Variants in MTG1 observed in about 807,000 individuals in gnomAD.
MTG1 encodes mitochondrial ribosome-associated GTPase 1.
A neutral mutation model predicts 39.5 loss-of-function variants in MTG1; 30 were observed. The observed-to-expected ratio is 0.76, with a 90% CI of 0.57 to 1.03. The LOEUF (loss-of-function observed/expected upper bound fraction) is 1.03. Among genes scored for constraint, MTG1 ranks in the 50% least tolerant of loss-of-function variants. The pLI, the probability that MTG1 is intolerant of heterozygous loss-of-function variation, is 0.00. For missense variants in MTG1, 513 were observed against 447.4 expected (o/e 1.15, Z -1.32); for synonymous variants, 217 against 179.0 (o/e 1.21, Z -1.69).
In MTG1 at chr10:133,399,607, C is replaced by T; in HGVS notation, c.499C>T (p.His167Tyr). The change falls in exon 6 of 11, where the codon CAC becomes TAC. Residue 167 changes from histidine to tyrosine, a missense_variant. Physicochemically the swap from His to Tyr is moderately conservative, Grantham distance 83 (BLOSUM62 2). Transcript: ENST00000317502. ...CCTCATCAACTCCCTCCGGAGGCAG[C>T]ACCTCAGGAAAGGTACTGGCGCGTG... ...SSLINSLRRQHLRKGKATRVG... is the reference protein window; with the variant it reads ...SSLINSLRRQYLRKGKATRVG... 1.9e-6 allele frequency: 3 copies of T among 1,613,614 alleles called. No individual in the cohort carries two copies. Among genetic ancestry groups the T allele is most frequent in the Non-Finnish European group, 2.5e-6 (3 of 1,179,872 alleles).
intron 9 of MTG1, among the ~76,000 whole-genome samples, chr10:133,415,445 A>G (rs1207583853): frequency 1.3e-5 from 2 of 151,944 alleles, no homozygotes; most frequent in African/African-American, 2.4e-5. Context: ...AGAATTCCAG[A>G]TTGACGGGGT....
In MTG1 at chr10:133,402,247, TGAGCCG is replaced by T. The variant is rs1564819811; in HGVS notation, c.670+4_670+9del. On this transcript the variant is annotated splice_donor_5th_base_variant and intron_variant, in intron 8 of 10. Coordinates refer to ENST00000317502, the MANE Select transcript of MTG1 (RefSeq NM_138384.4). This position sits in a 1 kb window ranked among gnomAD's most constrained non-coding sequence, Gnocchi z 4.7. ...CAGGCCTGAAGCTGGCCCTGTGTGG[TGAGCCG>T]GGGCTGGGGCTGGGGCTGGGGCTGG... The T allele has an allele frequency of 5.0e-6, 8 of 1,598,866 alleles. No homozygotes were observed. The highest frequency in any genetic ancestry group is 6.8e-6 in the Non-Finnish European group (8 of 1,177,260).
In MTG1 at chr10:133,398,446, A is replaced by G. The variant is rs141830677; in HGVS notation, c.294A>G (p.Gln98=). The part of the protein sequence containing the change: ...ADLTEQQKIM[Q]HLEGEGLKNV... ...TTTGTGTCTTTCAGAAAATTATGCA[A>G]CACTTAGAAGGAGAAGGCCTAAAAA... is the stretch of plus-strand genomic sequence containing the variant. Residue 98 remains glutamine, a synonymous_variant, in exon 4 of 11, where the codon CAA becomes CAG. Transcript: ENST00000317502. 6 of 1,612,224 alleles carry G rather than the reference A, an allele frequency of 3.7e-6. No homozygotes were observed. The highest frequency in any genetic ancestry group is 5.1e-6 in the Non-Finnish European group (6 of 1,179,560).
In MTG1 at chr10:133,399,542, G is replaced by A. The variant is rs146230872; in HGVS notation, c.434G>A (p.Cys145Tyr). ...CTGCCTGCGCAGAACCTGGAGTACT[G>A]TATCATGGTCATTGGGGTCCCCAAC... The part of the protein sequence containing the change: ...RYHRKENLEY[C>Y]IMVIGVPNVG... The change falls in exon 6 of 11, where the codon TGT (cysteine) becomes TAT (tyrosine). Residue 145 changes from cysteine to tyrosine, a missense_variant. Physicochemically the swap from Cys to Tyr is radical, Grantham distance 194. Coordinates refer to ENST00000317502, the MANE Select transcript of MTG1 (RefSeq NM_138384.4). 1.5e-4 allele frequency: 246 copies of A among 1,614,180 alleles called. 1 individual carries two copies. In the East Asian group the frequency reaches 3.2e-3, roughly 21 times the overall value.
intron 9 of MTG1, among the ~76,000 whole-genome samples, chr10:133,414,659 A>G (rs1461264242): frequency 6.7e-6 from 1 of 149,562 alleles, no homozygotes; most frequent in African/African-American, 2.5e-5. Flanking sequence ...AGCCAGGCAG[A>G]GGGGCTCCTC....
intron 1 of MTG1, 43 bp from the exon 2 acceptor site, chr10:133,395,670 A>G: frequency 1.2e-6 from 2 of 1,601,134 alleles, no homozygotes; most frequent in Non-Finnish European, 1.7e-6. Context: ...TCACTCTAGA[A>G]AGGTTGTGAG....
intron 9 of MTG1, among the ~76,000 whole-genome samples, chr10:133,410,909 AT>A (rs61006136): frequency 0.11 from 16,798 of 151,662 alleles, 1,199 homozygotes; most frequent in African/African-American, 0.2. Flanking sequence ...ATTTCAATTT[AT>A]TTTTTTTTAT....
Position 133,401,925 on chromosome 10 carries a change from G to T in MTG1, c.574-224G>T, listed in dbSNP as rs1424379801. ...CCTTGTGTTCTCCTTGGGAGCAGAA[G>T]ACAAGCTGTTGGGACCTGACGCTTT... On this transcript the variant is annotated intron_variant, in intron 7 of 10. Transcript: ENST00000317502. The T allele has an allele frequency of 8.3e-6, 5 of 603,154 alleles. No individual in the cohort carries two copies. In the South Asian group the frequency reaches 9.9e-5, roughly 12 times the overall value. The allele number at this position is 603,154 out of a possible 1,614,324, so 37.4% of individuals were successfully genotyped here. A position where few individuals can be genotyped will look rare whatever the true frequency, so the allele number is the denominator to read the frequency against.
At chr10:133,408,090 A>G (rs905413916) in intron 9 of MTG1, among the ~76,000 whole-genome samples, 1 of 152,150 alleles carries the variant, frequency 6.6e-6, no homozygotes, top group Non-Finnish European at 1.5e-5. Context: ...TCTGGGTAGG[A>G]CTTCCAGTAT....
At chr10:133,415,001 C>CA (rs925383612) in intron 9 of MTG1, among the ~76,000 whole-genome samples, 34 of 152,176 alleles carry the variant, frequency 2.2e-4, no homozygotes, top group African/African-American at 8.0e-4. Flanking sequence ...CCATCTCCAC[C>CA]AAAAAAATAC....
chr10:133,413,175 A>G (rs1353993295), intron 9 of MTG1, among the ~76,000 whole-genome samples: 2 of 152,156 alleles, frequency 1.3e-5, no homozygotes, highest in African/African-American at 2.4e-5. Flanking sequence ...CAGAGGTACA[A>G]TGTTGTCTCA....
chr10:133,409,645 C>T (rs532639540), intron 9 of MTG1, among the ~76,000 whole-genome samples: 1 of 152,316 alleles, frequency 6.6e-6, no homozygotes, highest in East Asian at 1.9e-4. Context: ...TACTGTATTG[C>T]ACTCTGCCTC....
chr10:133,410,208 CT>C lies in MTG1; in HGVS notation c.752+7436del, dbSNP rs1048485323. Among the ~76,000 whole-genome samples the C allele has an allele frequency of 9.2e-5, 14 of 151,974 alleles. No homozygotes were observed. In the South Asian group the frequency reaches 2.5e-3, roughly 27 times the overall value. On this transcript the variant is annotated intron_variant, in intron 9 of 10. Transcript: ENST00000317502. The stretch of plus-strand genomic sequence containing the variant: ...TACAGGCGTGTGCCACCACACCTGG[CT>C]GTTTTATTTATTTATTTATTTATTT...
In MTG1 at chr10:133,398,511, A is replaced by G. The variant is rs779612155; in HGVS notation, c.359A>G (p.Lys120Arg). Reference sequence around the variant, plus strand: ...AACTGTGTAAAGGATGAAAATGTCAAGCAGGTAGGCTTTTCGTCTGTGCTC... The same window carrying G: ...AACTGTGTAAAGGATGAAAATGTCAGGCAGGTAGGCTTTTCGTCTGTGCTC... ...FTNCVKDENV[K>R]QIIPMVTELI... is the part of the protein sequence containing the mutation. The change falls in exon 4 of 11, where the codon AAG (lysine) becomes AGG (arginine). Residue 120 changes from lysine (K) to arginine (R), a missense_variant. Physicochemically the swap from Lys to Arg is conservative, Grantham distance 26. Transcript: ENST00000317502. 4.3e-6 allele frequency: 7 copies of G among 1,613,588 alleles called. No individual in the cohort carries two copies. The African/African-American group carries it at 5.3e-5, about 12-fold the overall frequency.
intron 7 of MTG1, 164 bp from the exon 8 acceptor site, chr10:133,401,985 T>C: frequency 1.4e-6 from 1 of 710,652 alleles, no homozygotes; most frequent in Non-Finnish European, 2.4e-6. Context: ...AATTAGATCC[T>C]CTGGGGAACC....
intron 1 of MTG1, among the ~76,000 whole-genome samples, chr10:133,395,281 G>A (rs192705225): frequency 6.6e-6 from 1 of 152,302 alleles, no homozygotes; most frequent in East Asian, 1.9e-4. Context: ...TGTAGTCCCA[G>A]CTACTCGGGA....
Position 133,419,602 on chromosome 10 carries a change from G to A in MTG1, c.865+10G>A, listed in dbSNP as rs764143280. On this transcript the variant is annotated intron_variant, in intron 10 of 10. Transcript: ENST00000317502. Reference sequence around the variant, plus strand: ...GTGCTCACGGGCACGGGTGAGTGAGGTCGCTGATGCGGGCACCGGAGCCTC... The same window carrying A: ...GTGCTCACGGGCACGGGTGAGTGAGATCGCTGATGCGGGCACCGGAGCCTC... 1.3e-6 allele frequency: 2 copies of A among 1,587,268 alleles called. No individual in the cohort carries two copies. The highest frequency in any genetic ancestry group is 1.7e-6 in the Non-Finnish European group (2 of 1,166,592).
intron 4 of MTG1, 82 bp from the exon 5 acceptor site, chr10:133,399,088 C>T (rs768206615): frequency 1.3e-4 from 192 of 1,460,510 alleles, no homozygotes; most frequent in Non-Finnish European, 1.7e-4. Context: ...AATCCCTAAT[C>T]CTGTTCTGAG....
At position 133,405,979 on chromosome 10, in the gene MTG1, A is replaced by G. The variant is rs557435588; in HGVS notation, c.752+3206A>G. Among the ~76,000 whole-genome samples, 8 of 152,286 alleles carry G rather than the reference A, an allele frequency of 5.3e-5. No individual in the cohort carries two copies. The South Asian group carries it at 1.2e-3, about 24-fold the overall frequency. ...AGTGTACGACAGCTCCCCTTTCTCT[A>G]CATCCTCAACAGCATCTGCTATTCT... On this transcript the variant is annotated intron_variant, in intron 9 of 10. Coordinates refer to ENST00000317502, the MANE Select transcript of MTG1 (RefSeq NM_138384.4).
Sources: gnomAD v4.1 joint callset for allele counts (sites outside exome capture counted in the v4.1 genomes callset) on GRCh38, gnomAD v4.1.1 for gene constraint, Gnocchi (gnomAD v3.1) non-coding constraint, MANE v1.5 for transcripts, NCBI Gene and HGNC (gene_info 2026-07-23, HGNC 2026-07-21) for gene names.